Variants in PRIMA1 observed in about 807,000 individuals in gnomAD.
The protein encoded by PRIMA1 is proline rich membrane anchor 1.
A neutral mutation model predicts 17.5 loss-of-function variants in PRIMA1; 7 were observed. That is an observed-to-expected ratio of 0.40 (90% CI 0.23 to 0.75). The LOEUF (loss-of-function observed/expected upper bound fraction) is 0.75, where lower values mean the gene tolerates loss of function less well. Ranked by LOEUF, PRIMA1 falls within the 30% of genes least tolerant of loss-of-function variation. The pLI is 0.37. For missense variants in PRIMA1, 200 were observed against 201.8 expected, an observed-to-expected ratio of 0.99 and a Z score of 0.05; for synonymous variants, 97 against 77.9, an observed-to-expected ratio of 1.25 and a Z score of -1.29.
chr14:93,764,995 G>A (rs1884845271), intron 3 of PRIMA1, among the ~76,000 whole-genome samples: 1 of 152,130 alleles, frequency 6.6e-6, no homozygotes, highest in South Asian at 2.1e-4. Context: ...GAGCTCCTGG[G>A]GGAATTGAGC....
chr14:93,726,923 A>G lies in PRIMA1; in HGVS notation c.360-5377T>C, dbSNP rs1046674423. ...AATACACATATGCATATGCATACCT[A>G]CAGACATATATCCCCACACTCATAT... On this transcript the variant is annotated intron_variant, in intron 4 of 4. Transcript: ENST00000393140. The surrounding 1 kb of genome is among the most constrained non-coding windows in gnomAD (Gnocchi z 4.2). Among the ~76,000 whole-genome samples, 3 of 152,172 alleles carry G rather than the reference A, an allele frequency of 2.0e-5. No homozygotes were observed.
At chr14:93,727,079 C>T (rs1423394363) in intron 4 of PRIMA1, among the ~76,000 whole-genome samples, 1 of 152,162 alleles carries the variant, frequency 6.6e-6, no homozygotes, top group East Asian at 1.9e-4. Flanking sequence ...AGCCCCACGT[C>T]CAGCCTCCAT....
chr14:93,785,502 T>G (rs1047887196), intron 2 of PRIMA1, among the ~76,000 whole-genome samples: 1 of 152,224 alleles, frequency 6.6e-6, no homozygotes, highest in Non-Finnish European at 1.5e-5. Context: ...TTCCAAATGT[T>G]CTTCTGGCAA....
chr14:93,776,442 C>T (rs1381951823), intron 3 of PRIMA1, among the ~76,000 whole-genome samples: 1 of 152,160 alleles, frequency 6.6e-6, no homozygotes, highest in Non-Finnish European at 1.5e-5. Context: ...CTCCCATCTC[C>T]GTAGCCCCCA....
chr14:93,728,230 G>A (rs986319552), intron 4 of PRIMA1, among the ~76,000 whole-genome samples: 15 of 152,186 alleles, frequency 9.9e-5, no homozygotes, highest in Non-Finnish European at 1.6e-4. Context: ...CACTGGCCTC[G>A]ACCTGGCACC....
At chr14:93,757,488 T>G (rs1216110042) in intron 3 of PRIMA1, among the ~76,000 whole-genome samples, 1 of 152,196 alleles carries the variant, frequency 6.6e-6, no homozygotes, top group Non-Finnish European at 1.5e-5. Flanking sequence ...AGGACCAGAA[T>G]GTTCTCAGAG....
At chr14:93,769,231 A>T (rs913478256) in intron 3 of PRIMA1, among the ~76,000 whole-genome samples, 1 of 152,210 alleles carries the variant, frequency 6.6e-6, no homozygotes, top group African/African-American at 2.4e-5. Context: ...GTGACGAGAG[A>T]TCTCATTTAC....
intron 2 of PRIMA1, among the ~76,000 whole-genome samples, chr14:93,787,022 T>TC (rs756448132): frequency 6.6e-6 from 1 of 151,818 alleles, no homozygotes; most frequent in Non-Finnish European, 1.5e-5. Context: ...ATGCGCATTC[T>TC]GGGGGGGACT....
At chr14:93,731,653 T>A (rs573658739) in intron 4 of PRIMA1, among the ~76,000 whole-genome samples, 1 of 152,212 alleles carries the variant, frequency 6.6e-6, no homozygotes, top group East Asian at 1.9e-4. Context: ...TTAACCTGTA[T>A]TTTTTTTCTC....
At chr14:93,746,893 G>C (rs2076221882) in intron 3 of PRIMA1, among the ~76,000 whole-genome samples, 1 of 152,144 alleles carries the variant, frequency 6.6e-6, no homozygotes, top group Non-Finnish European at 1.5e-5. Context: ...GGAGGAAGCT[G>C]TCACCAACTG....
At chr14:93,788,834 C>T (rs879342164), upstream of PRIMA1, among the ~76,000 whole-genome samples, 62 of 151,832 alleles carry the variant, frequency 4.1e-4, no homozygotes, top group Non-Finnish European at 7.8e-4. Flanking sequence ...CGCCTGGAGC[C>T]GGCCGCGCGA....
chr14:93,735,087 A>C (rs2076141139), intron 4 of PRIMA1, among the ~76,000 whole-genome samples: 1 of 152,210 alleles, frequency 6.6e-6, no homozygotes, highest in Non-Finnish European at 1.5e-5. Context: ...AGGGAGGCAG[A>C]AGTGGCTCAG....
At chr14:93,748,608 C>G (rs960911891) in intron 3 of PRIMA1, among the ~76,000 whole-genome samples, 1 of 151,872 alleles carries the variant, frequency 6.6e-6, no homozygotes, top group Non-Finnish European at 1.5e-5. Flanking sequence ...GGCCGAGGCC[C>G]TTCCTGAGCC....
chr14:93,751,116 A>G (rs1167471502), intron 3 of PRIMA1, among the ~76,000 whole-genome samples: 1 of 152,178 alleles, frequency 6.6e-6, no homozygotes, highest in African/African-American at 2.4e-5. Context: ...TCTGCTCTGG[A>G]GGCAGAAAAG....
intron 2 of PRIMA1, among the ~76,000 whole-genome samples, chr14:93,786,349 G>A (rs1229055585): frequency 1.3e-5 from 2 of 152,216 alleles, no homozygotes; most frequent in Non-Finnish European, 2.9e-5. Flanking sequence ...GCAAGCCAGA[G>A]AAGAGAGCAG....
chr14:93,728,858 C>T (rs1033926583), intron 4 of PRIMA1, among the ~76,000 whole-genome samples: 3 of 152,212 alleles, frequency 2.0e-5, no homozygotes, highest in African/African-American at 7.2e-5. Context: ...AGGCTCGTCC[C>T]TGCTGCCTGC....
At chr14:93,779,340 G>A (rs538874779) in intron 2 of PRIMA1, 29 bp from the exon 3 acceptor site, 1 of 1,527,120 alleles carries the variant, frequency 6.5e-7, no homozygotes, top group African/African-American at 1.4e-5. Context: ...GTACCCAAGA[G>A]AGAGAGAAGA....
rs921818642 is a variant in PRIMA1 at position 93,726,888 on chromosome 14, C to T, written c.360-5342G>A. On this transcript the variant is annotated intron_variant, in intron 4 of 4. Transcript: ENST00000393140. This position sits in a 1 kb window ranked among gnomAD's most constrained non-coding sequence, Gnocchi z 4.2. ...ACACATATGTGCACATGCATGCACA[C>T]ATACATATGAATACACATATGCATA... is the stretch of plus-strand genomic sequence containing the variant. 1.3e-5 allele frequency among the ~76,000 whole-genome samples: 2 copies of T among 152,182 alleles called. No homozygotes were observed. The highest frequency in any genetic ancestry group is 2.9e-5 in the Non-Finnish European group (2 of 68,030).
intron 3 of PRIMA1, among the ~76,000 whole-genome samples, chr14:93,758,537 T>G (rs2076306026): frequency 6.9e-6 from 1 of 145,484 alleles, no homozygotes; most frequent in South Asian, 2.2e-4. Flanking sequence ...AGGTGGAGGT[T>G]GCAGTGAGCC....
Sources: allele counts gnomAD v4.1 joint callset (sites outside exome capture counted in the v4.1 genomes callset), GRCh38; gene constraint gnomAD v4.1.1; non-coding constraint Gnocchi (gnomAD v3.1); transcripts MANE v1.5; gene names NCBI Gene and HGNC (gene_info 2026-07-23, HGNC 2026-07-21).